Variants in CSMD3 observed in about 807,000 individuals in gnomAD.
CSMD3 encodes CUB and Sushi multiple domains 3, also known as CUB and sushi domain-containing protein 3.
A neutral mutation model predicts 435.2 loss-of-function variants in CSMD3; 177 were observed. That is an observed-to-expected ratio of 0.41 (90% CI 0.36 to 0.46). The LOEUF is 0.46. Among genes scored for constraint, CSMD3 ranks in the 20% least tolerant of loss-of-function variants. The probability of loss-of-function intolerance (pLI) is 0.34; values close to 1 mark genes in which losing one functional copy is unlikely to be tolerated. For missense variants in CSMD3, 4,265 were observed against 4,504.6 expected, an observed-to-expected ratio of 0.95 and a Z score of 1.52; for synonymous variants, 1,656 against 1,520.5, an observed-to-expected ratio of 1.09 and a Z score of -2.07.
chr8:112,875,849 T>C (rs904810675), intron 10 of CSMD3, among the ~76,000 whole-genome samples: 2 of 152,118 alleles, frequency 1.3e-5, no homozygotes, highest in African/African-American at 2.4e-5. Flanking sequence ...AGCTTCCCTG[T>C]ATTGGGTTAG....
intron 5 of CSMD3, among the ~76,000 whole-genome samples, chr8:113,083,842 AATGTGCCTGTAGCCCC>A (rs1249676391): frequency 6.6e-6 from 1 of 151,974 alleles, no homozygotes; most frequent in Non-Finnish European, 1.5e-5. Context: ...GGCATGGTGG[AATGTGCCTGTAGCCCC>A]AGTTACTCAG....
intron 2 of CSMD3, among the ~76,000 whole-genome samples, chr8:113,288,728 A>G (rs1353090799): frequency 2.0e-5 from 3 of 151,876 alleles, no homozygotes; most frequent in Non-Finnish European, 4.4e-5. Flanking sequence ...AGTTGACTCT[A>G]GTGACTATAA....
chr8:113,129,301 G>C (rs1310829529), intron 4 of CSMD3, among the ~76,000 whole-genome samples: 1 of 152,114 alleles, frequency 6.6e-6, no homozygotes, highest in Admixed American at 6.6e-5. Context: ...AGAGGCACTA[G>C]GGTGGGATTC....
At chr8:113,215,925 T>C (rs894761743) in intron 3 of CSMD3, among the ~76,000 whole-genome samples, 6 of 151,854 alleles carry the variant, frequency 4.0e-5, no homozygotes, top group African/African-American at 9.7e-5. Flanking sequence ...AAAAAAAATT[T>C]GGTAGGAAAA....
chr8:113,216,644 G>A (rs750671580), intron 3 of CSMD3, among the ~76,000 whole-genome samples: 14 of 152,064 alleles, frequency 9.2e-5, no homozygotes, highest in South Asian at 6.2e-4. Context: ...GAATGACAAA[G>A]TATGTAAAAT....
chr8:112,345,830 TTTTA>T (rs935805563), intron 41 of CSMD3, among the ~76,000 whole-genome samples: 95 of 151,926 alleles, frequency 6.3e-4, no homozygotes, highest in African/African-American at 2.1e-3. Flanking sequence ...TATGTACAAT[TTTTA>T]TTTGTCAATT....
At chr8:113,429,580 T>C (rs547353241) in intron 1 of CSMD3, among the ~76,000 whole-genome samples, 1 of 152,176 alleles carries the variant, frequency 6.6e-6, no homozygotes, top group African/African-American at 2.4e-5. Context: ...TCCATAATTA[T>C]CTCCTTTTGT....
intron 1 of CSMD3, among the ~76,000 whole-genome samples, chr8:113,415,620 C>T (rs1179985099): frequency 6.6e-6 from 1 of 151,988 alleles, no homozygotes; most frequent in Non-Finnish European, 1.5e-5. Flanking sequence ...ATTTTCCTAG[C>T]AAAATTTTGA....
chr8:112,962,352 G>A (rs999781778), intron 7 of CSMD3, among the ~76,000 whole-genome samples: 5 of 150,904 alleles, frequency 3.3e-5, no homozygotes, highest in South Asian at 2.1e-4. Flanking sequence ...TATTTGTTTC[G>A]CACTCAACAT....
chr8:112,286,728 A>G (rs1198699379), intron 58 of CSMD3, among the ~76,000 whole-genome samples: 1 of 152,108 alleles, frequency 6.6e-6, no homozygotes, highest in Non-Finnish European at 1.5e-5. Context: ...TCCCACTAAA[A>G]GTCTTGGAAT....
chr8:113,082,968 A>G (rs1342458731), intron 5 of CSMD3, among the ~76,000 whole-genome samples: 2 of 152,126 alleles, frequency 1.3e-5, no homozygotes, highest in Admixed American at 6.5e-5. Flanking sequence ...GCAAACAAAT[A>G]TTCACCTTTT....
At chr8:112,419,798 C>G (rs112988587) in intron 32 of CSMD3, among the ~76,000 whole-genome samples, 1 of 152,162 alleles carries the variant, frequency 6.6e-6, no homozygotes, top group Non-Finnish European at 1.5e-5. Flanking sequence ...TATTCCACTG[C>G]AAGCCAGAAG....
intron 44 of CSMD3, 102 bp from the exon 45 acceptor site, chr8:112,335,576 G>A (rs1439597357): frequency 1.8e-5 from 18 of 1,020,568 alleles, no homozygotes; most frequent in African/African-American, 4.8e-5. Flanking sequence ...ATATTCTAAC[G>A]TATCAATAAT....
intron 3 of CSMD3, among the ~76,000 whole-genome samples, chr8:113,223,668 C>T (rs890576637): frequency 6.7e-5 from 10 of 148,506 alleles, no homozygotes; most frequent in African/African-American, 1.5e-4. Context: ...CATTTAGTGT[C>T]TGTGGTTTTA....
intron 13 of CSMD3, among the ~76,000 whole-genome samples, chr8:112,713,994 C>T (rs1365658295): frequency 1.3e-5 from 2 of 152,116 alleles, no homozygotes; most frequent in East Asian, 3.9e-4. Flanking sequence ...TACAAAGACA[C>T]TATGAAGAAA....
intron 6 of CSMD3, among the ~76,000 whole-genome samples, chr8:112,983,187 T>C (rs2085117041): frequency 6.6e-6 from 1 of 151,834 alleles, no homozygotes. Context: ...CCAATAATTA[T>C]TGAAAGAAAA....
At chr8:112,661,616 A>G (rs2075381844) in intron 17 of CSMD3, among the ~76,000 whole-genome samples, 1 of 152,204 alleles carries the variant, frequency 6.6e-6, no homozygotes, top group Non-Finnish European at 1.5e-5. Context: ...GCAAATCAGC[A>G]GATGCTTTTC....
chr8:112,319,869 T>C (rs759785598), intron 46 of CSMD3, 32 bp downstream of exon 46: 62 of 1,460,046 alleles, frequency 4.2e-5, no homozygotes, highest in Non-Finnish European at 4.9e-5. Context: ...GCCAGCAGTA[T>C]GTTTTCCTTG....
intron 3 of CSMD3, among the ~76,000 whole-genome samples, chr8:113,259,868 T>C (rs1009346015): frequency 7.2e-5 from 11 of 152,128 alleles, no homozygotes; most frequent in African/African-American, 2.2e-4. Flanking sequence ...CCAAATCTTA[T>C]CTTCAATTGT....
Sources: gnomAD v4.1 joint callset for allele counts (sites outside exome capture counted in the v4.1 genomes callset) on GRCh38, gnomAD v4.1.1 for gene constraint, MANE v1.5 for transcripts, NCBI Gene and HGNC (gene_info 2026-07-23, HGNC 2026-07-21) for gene names.